Variants in FKBP15 observed in about 807,000 individuals in gnomAD.
The protein encoded by FKBP15 is FK506-binding protein 15.
In FKBP15, 106 loss-of-function variants were observed where a neutral mutation model predicts 158.1. That is an observed-to-expected ratio of 0.67 (90% CI 0.57 to 0.79). The LOEUF (loss-of-function observed/expected upper bound fraction) is 0.79. Ranked by LOEUF, FKBP15 falls within the 30% of genes least tolerant of loss-of-function variation. FKBP15 has a pLI of 0.00. For missense variants in FKBP15, 1,287 were observed against 1,479.1 expected, an observed-to-expected ratio of 0.87 and a Z score of 2.13; for synonymous variants, 547 against 548.6, an observed-to-expected ratio of 1.00 and a Z score of 0.04.
intron 9 of FKBP15, among the ~76,000 whole-genome samples, chr9:113,194,438 T>C (rs10817455): frequency 6.7e-6 from 1 of 149,068 alleles, no homozygotes; most frequent in Admixed American, 6.6e-5. Context: ...AATAAATAAA[T>C]AATAAATAAA....
In FKBP15 at chr9:113,210,253, C is replaced by A. The variant is rs1328227287; in HGVS notation, c.169+1224G>T. 2.0e-5 allele frequency among the ~76,000 whole-genome samples: 3 copies of A among 152,042 alleles called. No individual in the cohort carries two copies. The South Asian group carries it at 6.2e-4, about 32-fold the overall frequency. ...AGCCAGACTGGTCAAGGATACACAA[C>A]CTGGCATGTCACTTTTGGAAGGCTG... On this transcript the variant is annotated intron_variant, in intron 2 of 27. Coordinates refer to ENST00000238256, the MANE Select transcript of FKBP15 (RefSeq NM_015258.2).
intron 4 of FKBP15, among the ~76,000 whole-genome samples, chr9:113,205,478 C>T (rs1435275354): frequency 6.6e-6 from 1 of 152,102 alleles, no homozygotes; most frequent in Admixed American, 6.5e-5. Flanking sequence ...CATTCCACAC[C>T]TACTAGAATG....
At chr9:113,210,972 A>G (rs1415993814) in intron 2 of FKBP15, among the ~76,000 whole-genome samples, 2 of 152,050 alleles carry the variant, frequency 1.3e-5, no homozygotes, top group Non-Finnish European at 2.9e-5. Flanking sequence ...CGGCTTCCCT[A>G]CTTTTGAGGT....
chr9:113,170,068 A>G (rs999766877), intron 25 of FKBP15, 126 bp from the exon 26 acceptor site: 60 of 1,261,928 alleles, frequency 4.8e-5, no homozygotes, highest in Non-Finnish European at 5.8e-5. Context: ...GAGGCTGACT[A>G]TATCTGTCAA....
At chr9:113,204,613 C>A (rs776214836) in intron 4 of FKBP15, among the ~76,000 whole-genome samples, 2 of 152,140 alleles carry the variant, frequency 1.3e-5, no homozygotes, top group African/African-American at 4.8e-5. Flanking sequence ...ATTACATGGA[C>A]GTTAGACCAT....
chr9:113,183,931 A>T, intron 17 of FKBP15, 86 bp from the exon 18 acceptor site: 1 of 932,656 alleles, frequency 1.1e-6, no homozygotes, highest in Non-Finnish European at 1.7e-6. Flanking sequence ...CTGACAGGTG[A>T]CATTGTTAAC....
rs1430349909 is a variant in FKBP15 at position 113,165,037 on chromosome 9, T to A, written c.*1041A>T. On this transcript the variant is annotated 3_prime_UTR_variant, in exon 28 of 28. Transcript: ENST00000238256. ...AATCAAGAAACATTTTTTATTAAAA[T>A]TAATTATTCTGTTTTTTTAAAGACT... The A allele has an allele frequency of 7.0e-6, 1 of 142,172 alleles. No individual in the cohort carries two copies. Among genetic ancestry groups the A allele is most frequent in the African/African-American group, 2.6e-5 (1 of 38,642 alleles). The allele number at this position is 142,172 out of a possible 1,614,324, so 8.8% of individuals were successfully genotyped here.
intron 20 of FKBP15, 136 bp from the exon 21 acceptor site, chr9:113,176,809 T>C: frequency 1.1e-6 from 1 of 933,242 alleles, no homozygotes; most frequent in Non-Finnish European, 1.6e-6. Context: ...AGTGCAGTGG[T>C]GTGATCATAG....
intron 21 of FKBP15, among the ~76,000 whole-genome samples, chr9:113,175,542 A>G (rs899975197): frequency 3.3e-5 from 5 of 152,220 alleles, no homozygotes; most frequent in African/African-American, 1.2e-4. Flanking sequence ...ACAAAAAGAT[A>G]GAAATGTTCT....
chr9:113,207,820 G>A, intron 2 of FKBP15, among the ~76,000 whole-genome samples: 1 of 152,068 alleles, frequency 6.6e-6, no homozygotes, highest in East Asian at 1.9e-4. Flanking sequence ...CCATGATAGT[G>A]CCTAGGTCTG....
At position 113,161,554 on chromosome 9, in the gene FKBP15, A is replaced by T; in HGVS notation, c.*4524T>A. The T allele has an allele frequency of 6.2e-7, 1 of 1,613,980 alleles. No homozygotes were observed. Among genetic ancestry groups the T allele is most frequent in the Non-Finnish European group, 8.5e-7 (1 of 1,179,874 alleles). ...GTGCTCCTGCTTCTGGCTGTACTGT[A>T]TGAAGGCATCAAGGTTGGCAAAGCC... On this transcript the variant is annotated 3_prime_UTR_variant, in exon 28 of 28. Transcript: ENST00000238256.
chr9:113,212,317 T>C (rs1195403550), intron 1 of FKBP15, among the ~76,000 whole-genome samples: 2 of 152,282 alleles, frequency 1.3e-5, no homozygotes, highest in African/African-American at 2.4e-5. Context: ...GCCTCCCAAG[T>C]AGCTGGGACT....
intron 1 of FKBP15, among the ~76,000 whole-genome samples, chr9:113,214,535 C>G (rs1831079699): frequency 6.6e-6 from 1 of 152,148 alleles, no homozygotes; most frequent in African/African-American, 2.4e-5. Flanking sequence ...GTCATCCAGG[C>G]TTTGTTCCAT....
chr9:113,211,026 A>G (rs939039921), intron 2 of FKBP15, among the ~76,000 whole-genome samples: 3 of 152,144 alleles, frequency 2.0e-5, no homozygotes, highest in Non-Finnish European at 4.4e-5. Flanking sequence ...TTGTTCTTCA[A>G]CTTGCAGACA....
intron 6 of FKBP15, among the ~76,000 whole-genome samples, chr9:113,202,050 T>A (rs1376532740): frequency 6.6e-6 from 1 of 152,050 alleles, no homozygotes; most frequent in East Asian, 1.9e-4. Context: ...TCTCTATCTC[T>A]TTCTCTCTCT....
intron 25 of FKBP15, among the ~76,000 whole-genome samples, chr9:113,170,262 AC>A (rs1248420356): frequency 2.0e-5 from 3 of 152,142 alleles, no homozygotes; most frequent in East Asian, 3.9e-4. Context: ...AGTAGCTGGG[AC>A]TACAGGCACG....
chr9:113,168,191 C>T (rs1280129522), intron 27 of FKBP15, among the ~76,000 whole-genome samples: 3 of 152,218 alleles, frequency 2.0e-5, no homozygotes, highest in Admixed American at 1.3e-4. Context: ...TGGGGCTAAG[C>T]AGCTCAGCTT....
chr9:113,197,527 G>C (rs888890741), intron 8 of FKBP15, among the ~76,000 whole-genome samples: 4 of 152,156 alleles, frequency 2.6e-5, no homozygotes, highest in Non-Finnish European at 5.9e-5. Flanking sequence ...AAATTAGCCA[G>C]ATGTGGTGGT....
intron 15 of FKBP15, 113 bp downstream of exon 15, chr9:113,186,136 A>T (rs1260739411): frequency 1.4e-6 from 1 of 706,318 alleles, no homozygotes; most frequent in African/African-American, 1.8e-5. Flanking sequence ...AAGCTGTTAA[A>T]AAAGAGAAGA....
Sources: gnomAD v4.1 joint callset for allele counts (sites outside exome capture counted in the v4.1 genomes callset) on GRCh38, gnomAD v4.1.1 for gene constraint, MANE v1.5 for transcripts, NCBI Gene and HGNC (gene_info 2026-07-23, HGNC 2026-07-21) for gene names.